The following NUBPL variants were observed in gnomAD, a reference collection of about 807,000 sequenced individuals.
The protein encoded by NUBPL is NUBP iron-sulfur cluster assembly factor, mitochondrial.
Under a neutral mutation model 45.7 loss-of-function variants are expected in NUBPL, and 31 were observed. The observed-to-expected ratio is 0.68, with a 90% confidence interval of 0.51 to 0.92. The LOEUF (loss-of-function observed/expected upper bound fraction) is 0.92, where lower values mean the gene tolerates loss of function less well. Ranked by LOEUF, NUBPL falls within the 40% of genes least tolerant of loss-of-function variation. The pLI, the probability that NUBPL is intolerant of heterozygous loss-of-function variation, is 0.00. For missense variants in NUBPL, 401 were observed against 398.7 expected (o/e 1.01, Z -0.05); for synonymous variants, 144 against 140.9 (o/e 1.02, Z -0.15).
At chr14:31,832,783 C>T (rs1344515782) in intron 8 of NUBPL, among the ~76,000 whole-genome samples, 2 of 152,160 alleles carry the variant, frequency 1.3e-5, no homozygotes, top group East Asian at 3.9e-4. Flanking sequence ...TAGATCCCAG[C>T]TCTGCCACTT....
At chr14:31,782,489 T>C (rs1378096098) in intron 6 of NUBPL, among the ~76,000 whole-genome samples, 1 of 152,102 alleles carries the variant, frequency 6.6e-6, no homozygotes, top group Non-Finnish European at 1.5e-5. Flanking sequence ...CCTTAAATTT[T>C]ATTAAAAACA....
At chr14:31,850,378 T>C (rs2040519979) in intron 10 of NUBPL, among the ~76,000 whole-genome samples, 177 bp downstream of exon 10, 1 of 152,218 alleles carries the variant, frequency 6.6e-6, no homozygotes, top group Non-Finnish European at 1.5e-5. Context: ...CTTCCAGTGC[T>C]GGCTCTAAAT....
At chr14:31,724,878 T>C (rs1026229654) in intron 6 of NUBPL, among the ~76,000 whole-genome samples, 14 of 152,064 alleles carry the variant, frequency 9.2e-5, no homozygotes, top group Admixed American at 9.2e-4. Flanking sequence ...CAGGGAAGGC[T>C]TATCTGAGAA....
At chr14:31,597,173 G>C (rs2034306253) in intron 3 of NUBPL, among the ~76,000 whole-genome samples, 1 of 151,902 alleles carries the variant, frequency 6.6e-6, no homozygotes, top group African/African-American at 2.4e-5. Context: ...TGCAAGCATT[G>C]GTACTAAATT....
At chr14:31,741,798 T>C (rs1032396730) in intron 6 of NUBPL, among the ~76,000 whole-genome samples, 1 of 149,158 alleles carries the variant, frequency 6.7e-6, no homozygotes, top group Non-Finnish European at 1.5e-5. Flanking sequence ...TCTGCCTGTC[T>C]ACCTGTCTAA....
chr14:31,766,116 A>C (rs1207153617), intron 6 of NUBPL, among the ~76,000 whole-genome samples: 1 of 152,248 alleles, frequency 6.6e-6, no homozygotes, highest in African/African-American at 2.4e-5. Flanking sequence ...ATAGAATTTA[A>C]GTTTTAAAGG....
chr14:31,842,018 C>T (rs1336970862), intron 8 of NUBPL, among the ~76,000 whole-genome samples: 1 of 143,246 alleles, frequency 7.0e-6, no homozygotes, highest in Non-Finnish European at 1.5e-5. Flanking sequence ...GCAAGCTCTG[C>T]CTCCCAGGTT....
intron 6 of NUBPL, among the ~76,000 whole-genome samples, chr14:31,676,309 C>A (rs2036697553): frequency 6.6e-6 from 1 of 152,052 alleles, no homozygotes; most frequent in Middle Eastern, 3.2e-3. Context: ...AGGCGTGAGC[C>A]ACTGCAACCG....
chr14:31,854,453 G>A (rs1246453151), intron 10 of NUBPL, among the ~76,000 whole-genome samples: 1 of 152,126 alleles, frequency 6.6e-6, no homozygotes. Context: ...TCCTCAGGTG[G>A]GAACAGTGCC....
In NUBPL at chr14:31,704,704, T is replaced by C. The variant is rs145439958; in HGVS notation, c.513+31130T>C. The stretch of plus-strand genomic sequence containing the variant: ...GTAATCCTTCTCTCATTCTCTTCTT[T>C]GTTCACTTTTTTTCTCACTTGTTAA... On this transcript the variant is annotated intron_variant, in intron 6 of 10. Transcript: ENST00000281081. 2.7e-3 allele frequency among the ~76,000 whole-genome samples: 407 copies of C among 152,248 alleles called. 2 individuals carry two copies. The highest frequency in any genetic ancestry group is 9.2e-3 in the African/African-American group (382 of 41,556).
chr14:31,708,777 A>T (rs569303676), intron 6 of NUBPL, among the ~76,000 whole-genome samples: 2 of 152,296 alleles, frequency 1.3e-5, no homozygotes, highest in East Asian at 3.9e-4. Context: ...GGGCACCCTC[A>T]GTCCTGTTGT....
chr14:31,753,350 C>A (rs1212306426), intron 6 of NUBPL, among the ~76,000 whole-genome samples: 4 of 152,054 alleles, frequency 2.6e-5, no homozygotes, highest in African/African-American at 9.7e-5. Context: ...AATGGGGTTG[C>A]TGGTGGCAGT....
intron 6 of NUBPL, among the ~76,000 whole-genome samples, chr14:31,784,143 T>A (rs2039244334): frequency 6.6e-6 from 1 of 152,142 alleles, no homozygotes; most frequent in Admixed American, 6.5e-5. Context: ...ACTCTGAAGT[T>A]AAAAGTTAAG....
chr14:31,810,611 A>G (rs969695776), intron 7 of NUBPL, among the ~76,000 whole-genome samples: 3 of 152,144 alleles, frequency 2.0e-5, no homozygotes, highest in Non-Finnish European at 4.4e-5. Flanking sequence ...CATTTAGCCC[A>G]TTTACATTTA....
At chr14:31,721,120 C>A (rs2037799369) in intron 6 of NUBPL, among the ~76,000 whole-genome samples, 1 of 152,136 alleles carries the variant, frequency 6.6e-6, no homozygotes, top group South Asian at 2.1e-4. Context: ...CGGAGGCTTT[C>A]AATTCTAAAG....
At chr14:31,599,773 G>A (rs918970527) in intron 4 of NUBPL, among the ~76,000 whole-genome samples, 2 of 152,200 alleles carry the variant, frequency 1.3e-5, no homozygotes, top group South Asian at 2.1e-4. Flanking sequence ...TTAAATCAAG[G>A]AATAGGTGTT....
intron 4 of NUBPL, among the ~76,000 whole-genome samples, chr14:31,650,565 A>G (rs1010090679): frequency 6.6e-6 from 1 of 152,210 alleles, no homozygotes; most frequent in Non-Finnish European, 1.5e-5. Flanking sequence ...TTGGGATTAC[A>G]GGCGTTAGTC....
At chr14:31,827,766 T>G (rs547610279) in intron 8 of NUBPL, among the ~76,000 whole-genome samples, 118 of 152,370 alleles carry the variant, frequency 7.7e-4, no homozygotes, top group African/African-American at 2.7e-3. Flanking sequence ...GAATGAATTA[T>G]AACTTTTATC....
At chr14:31,811,510 C>G (rs188305054) in intron 7 of NUBPL, among the ~76,000 whole-genome samples, 1 of 152,152 alleles carries the variant, frequency 6.6e-6, no homozygotes, top group Non-Finnish European at 1.5e-5. Flanking sequence ...ATTCAGTTAG[C>G]CATTCGTCTA....
Sources: gnomAD v4.1 joint callset for allele counts (sites outside exome capture counted in the v4.1 genomes callset) on GRCh38, gnomAD v4.1.1 for gene constraint, MANE v1.5 for transcripts, NCBI Gene and HGNC (gene_info 2026-07-23, HGNC 2026-07-21) for gene names.